Variants in TAFA4 observed in about 807,000 individuals in gnomAD.
TAFA4 encodes the protein TAFA chemokine like family member 4, also known as chemokine-like protein TAFA-4.
A neutral mutation model predicts 21.1 loss-of-function variants in TAFA4; 20 were observed. The observed-to-expected ratio is 0.95, with a 90% CI of 0.67 to 1.38. The LOEUF (loss-of-function observed/expected upper bound fraction) is 1.38. TAFA4 is among the 40% of genes most tolerant of loss of function. TAFA4 has a pLI of 0.00. For synonymous variants in TAFA4, 71 were observed against 67.4 expected (o/e 1.05, Z -0.26); for missense variants, 211 against 180.9 (o/e 1.17, Z -0.95).
chr3:68,804,220 G>C (rs564324046), intron 3 of TAFA4, among the ~76,000 whole-genome samples: 1 of 152,184 alleles, frequency 6.6e-6, no homozygotes, highest in Non-Finnish European at 1.5e-5. Flanking sequence ...CACTTTTAAA[G>C]CATCTCTGAA....
intron 3 of TAFA4, among the ~76,000 whole-genome samples, chr3:68,813,543 TGC>T (rs1703889005): frequency 1.3e-5 from 2 of 152,112 alleles, no homozygotes; most frequent in African/African-American, 4.8e-5. Flanking sequence ...AACACCTCTA[TGC>T]AAATAAACTA....
At chr3:68,930,185 T>A (rs1258904820) in intron 1 of TAFA4, among the ~76,000 whole-genome samples, 1 of 152,098 alleles carries the variant, frequency 6.6e-6, no homozygotes, top group East Asian at 1.9e-4. Context: ...ACAATACACA[T>A]GTCTAAAAAG....
chr3:68,900,619 G>A (rs545710301), intron 1 of TAFA4, among the ~76,000 whole-genome samples: 238 of 152,032 alleles, frequency 1.6e-3, no homozygotes, highest in African/African-American at 5.4e-3. Flanking sequence ...TTATACTCTC[G>A]TGAGAATTCC....
intron 1 of TAFA4, among the ~76,000 whole-genome samples, chr3:68,891,150 A>G (rs960527818): frequency 2.3e-4 from 35 of 152,238 alleles, no homozygotes; most frequent in Admixed American, 2.2e-3. Context: ...TACCAGAGCC[A>G]GAACATCATA....
intron 2 of TAFA4, among the ~76,000 whole-genome samples, chr3:68,884,208 G>A (rs905985089): frequency 2.6e-5 from 4 of 152,212 alleles, no homozygotes; most frequent in Non-Finnish European, 5.9e-5. Context: ...TATATTGAGG[G>A]CTGGAGGGCC....
At chr3:68,921,149 C>T (rs77744354) in intron 1 of TAFA4, among the ~76,000 whole-genome samples, 4 of 152,006 alleles carry the variant, frequency 2.6e-5, no homozygotes, top group African/African-American at 4.8e-5. Context: ...CCTAGTCGCA[C>T]GCAACACCCT....
In TAFA4 at chr3:68,814,264, G is replaced by A. The variant is rs1053113812; in HGVS notation, c.131-61246C>T. On this transcript the variant is annotated intron_variant, in intron 3 of 5. Coordinates refer to ENST00000295569, the MANE Select transcript of TAFA4 (RefSeq NM_182522.5). ...CCCTTTGAAAACTGGTACAAGACAGGGATGGCCTCTCTCACCACTCCTGGT... is the reference window on the plus strand; with the variant it reads ...CCCTTTGAAAACTGGTACAAGACAGAGATGGCCTCTCTCACCACTCCTGGT... 4.6e-5 allele frequency among the ~76,000 whole-genome samples: 7 copies of A among 152,166 alleles called. 1 individual carries two copies. The highest frequency in any genetic ancestry group is 9.7e-5 in the African/African-American group (4 of 41,448).
chr3:68,878,062 C>T (rs557930402), intron 3 of TAFA4, among the ~76,000 whole-genome samples: 24 of 152,306 alleles, frequency 1.6e-4, no homozygotes, highest in African/African-American at 5.8e-4. Context: ...CTTTAGACCC[C>T]CCAACATTTG....
intron 3 of TAFA4, among the ~76,000 whole-genome samples, chr3:68,828,848 T>C (rs1368783459): frequency 6.6e-6 from 1 of 152,136 alleles, no homozygotes; most frequent in African/African-American, 2.4e-5. Context: ...CTTCCTCTTT[T>C]CCTAATTGAA....
At chr3:68,886,086 T>C (rs986622116) in intron 1 of TAFA4, among the ~76,000 whole-genome samples, 2 of 152,210 alleles carry the variant, frequency 1.3e-5, no homozygotes, top group Non-Finnish European at 2.9e-5. Flanking sequence ...TGTTAATAAA[T>C]ATTCAAGTTG....
chr3:68,846,633 G>GT (rs1198606114), intron 3 of TAFA4, among the ~76,000 whole-genome samples: 1 of 152,092 alleles, frequency 6.6e-6, no homozygotes, highest in Non-Finnish European at 1.5e-5. Context: ...TTTTGCACTG[G>GT]TTTTTTCCTC....
At chr3:68,759,924 A>G (rs1702729523) in intron 3 of TAFA4, among the ~76,000 whole-genome samples, 1 of 152,096 alleles carries the variant, frequency 6.6e-6, no homozygotes, top group South Asian at 2.1e-4. Context: ...TATTTATTTT[A>G]CCAACTCTTA....
At chr3:68,738,650 G>A (rs1386277669) in intron 5 of TAFA4, among the ~76,000 whole-genome samples, 1 of 152,148 alleles carries the variant, frequency 6.6e-6, no homozygotes, top group Non-Finnish European at 1.5e-5. Flanking sequence ...GACCACTTGG[G>A]GAGAAAAGCG....
chr3:68,840,188 T>G (rs1480522608), intron 3 of TAFA4, among the ~76,000 whole-genome samples: 1 of 152,136 alleles, frequency 6.6e-6, no homozygotes, highest in Non-Finnish European at 1.5e-5. Flanking sequence ...TTGGCACTTT[T>G]GGTTGGTTGG....
In TAFA4 at chr3:68,744,810, T is replaced by C. The variant is rs931061879; in HGVS notation, c.287-5611A>G. Among the ~76,000 whole-genome samples, 22 of 152,192 alleles carry C rather than the reference T, an allele frequency of 1.4e-4. 1 individual carries two copies. Among genetic ancestry groups the C allele is most frequent in the Admixed American group, 1.3e-3 (20 of 15,280 alleles). Reference sequence around the variant, plus strand: ...CTGAAAGACCAAGACAGAACTCTTATGAGATTATCTACCAGGTTTTTCGTT... The same window carrying C: ...CTGAAAGACCAAGACAGAACTCTTACGAGATTATCTACCAGGTTTTTCGTT... On this transcript the variant is annotated intron_variant, in intron 4 of 5. Transcript: ENST00000295569.
intron 3 of TAFA4, among the ~76,000 whole-genome samples, chr3:68,860,343 A>G (rs986449575): frequency 2.0e-5 from 3 of 152,146 alleles, no homozygotes; most frequent in Admixed American, 1.3e-4. Context: ...TTCACCTATA[A>G]AACATTAAAA....
chr3:68,819,430 C>G (rs1704067309), intron 3 of TAFA4, among the ~76,000 whole-genome samples: 1 of 152,090 alleles, frequency 6.6e-6, no homozygotes. Flanking sequence ...GCCTCCTTAT[C>G]TTGTTTCTAA....
chr3:68,819,628 T>A (rs543748883), intron 3 of TAFA4, among the ~76,000 whole-genome samples: 37 of 152,190 alleles, frequency 2.4e-4, no homozygotes, highest in Non-Finnish European at 4.7e-4. Context: ...TAAGCCTGAT[T>A]TTTTTAAACA....
At chr3:68,733,245 A>ATGT in intron 5 of TAFA4, 92 bp from the exon 6 acceptor site, 1 of 1,490,640 alleles carries the variant, frequency 6.7e-7, no homozygotes, top group Non-Finnish European at 9.1e-7. Context: ...CCTGACTGTG[A>ATGT]ATACTTTATC....
Sources: allele counts gnomAD v4.1 joint callset (sites outside exome capture counted in the v4.1 genomes callset), GRCh38; gene constraint gnomAD v4.1.1; transcripts MANE v1.5; gene names NCBI Gene and HGNC (gene_info 2026-07-23, HGNC 2026-07-21).